The following CDC73 variants were observed in gnomAD, a reference collection of about 807,000 sequenced individuals.
CDC73 encodes the protein cell division cycle 73.
Under a neutral mutation model 83.7 loss-of-function variants are expected in CDC73, and 21 were observed. That is an observed-to-expected ratio of 0.25 (90% CI 0.18 to 0.36). The LOEUF is 0.36. Ranked by LOEUF, CDC73 falls within the 10% of genes least tolerant of loss-of-function variation. The probability of loss-of-function intolerance (pLI) is 1.00; values close to 1 mark genes in which losing one functional copy is unlikely to be tolerated. For missense variants in CDC73, 342 were observed against 653.3 expected, an observed-to-expected ratio of 0.52 and a Z score of 5.19; for synonymous variants, 224 against 212.9, an observed-to-expected ratio of 1.05 and a Z score of -0.45.
chr1:193,224,628 T>TAC (rs375651954), intron 13 of CDC73, among the ~76,000 whole-genome samples: 1 of 152,146 alleles, frequency 6.6e-6, no homozygotes, highest in Non-Finnish European at 1.5e-5. Context: ...TGCATTCACA[T>TAC]ACACACATAT....
intron 16 of CDC73, 143 bp downstream of exon 16, chr1:193,250,014 A>T: frequency 1.3e-6 from 1 of 758,092 alleles, no homozygotes; most frequent in Non-Finnish European, 2.2e-6. Flanking sequence ...TTCAGTACAT[A>T]ATTAACAATT....
chr1:193,147,156 C>T (rs1676014737), intron 7 of CDC73, among the ~76,000 whole-genome samples: 1 of 151,890 alleles, frequency 6.6e-6, no homozygotes, highest in Admixed American at 6.6e-5. Context: ...CCACGCCCAG[C>T]TAATTTTTTG....
At chr1:193,207,511 C>T (rs944158112) in intron 11 of CDC73, among the ~76,000 whole-genome samples, 2 of 152,118 alleles carry the variant, frequency 1.3e-5, no homozygotes, top group African/African-American at 4.8e-5. Context: ...CCCAGAGCAG[C>T]CCTTTATAGA....
intron 10 of CDC73, among the ~76,000 whole-genome samples, chr1:193,170,807 T>C (rs1207485442): frequency 6.6e-5 from 10 of 152,224 alleles, no homozygotes. Context: ...TTTGCTTTTG[T>C]TGAGTTACTT....
chr1:193,205,706 TAAG>T (rs762733954), intron 11 of CDC73, among the ~76,000 whole-genome samples: 4 of 152,096 alleles, frequency 2.6e-5, no homozygotes, highest in Non-Finnish European at 4.4e-5. Context: ...CGTGAGAGCA[TAAG>T]AAGAACAATT....
intron 13 of CDC73, among the ~76,000 whole-genome samples, chr1:193,219,428 A>T (rs892763112): frequency 1.3e-5 from 2 of 152,234 alleles, no homozygotes; most frequent in Admixed American, 6.5e-5. Context: ...TCTACCAAAA[A>T]GACACATGCA....
intron 13 of CDC73, among the ~76,000 whole-genome samples, chr1:193,231,313 T>C (rs1677660046): frequency 6.6e-6 from 1 of 152,196 alleles, no homozygotes; most frequent in African/African-American, 2.4e-5. Flanking sequence ...TAGACTGAGA[T>C]AAAACAAAGC....
intron 7 of CDC73, among the ~76,000 whole-genome samples, chr1:193,146,669 A>G (rs1676006261): frequency 1.3e-5 from 2 of 152,232 alleles, no homozygotes; most frequent in Non-Finnish European, 2.9e-5. Context: ...TACTATTAGA[A>G]TGGAATAAAA....
rs1160082500 is a variant in CDC73, at chr1:193,180,244, T to G, written c.973-23551T>G. On this transcript the variant is annotated intron_variant, in intron 10 of 16. Transcript: ENST00000367435. ...GGATGTAATCAGTTCTAACTATACA[T>G]GCTTTTAGCAATATTTACAAATTGC... is the stretch of plus-strand genomic sequence containing the variant. The G allele has an allele frequency of 3.4e-6, 5 of 1,482,044 alleles. No individual in the cohort carries two copies. The South Asian group carries it at 5.4e-5, about 16-fold the overall frequency. 91.8% of individuals were successfully genotyped at this position (1,482,044 alleles called of 1,614,324 possible).
In CDC73 at chr1:193,187,740, T is replaced by A. The variant is rs193085383; in HGVS notation, c.973-16055T>A. Among the ~76,000 whole-genome samples the A allele has an allele frequency of 2.6e-4, 39 of 152,246 alleles. No homozygotes were observed. In the East Asian group the frequency reaches 6.0e-3, roughly 23 times the overall value. On this transcript the variant is annotated intron_variant, in intron 10 of 16. Coordinates refer to ENST00000367435, the MANE Select transcript of CDC73 (RefSeq NM_024529.5). ...TTGTTTTCTCTGATATTAAAAAAAA[T>A]TTTGTCCACATATTTTTGAGCTTTG...
chr1:193,194,689 T>A (rs1676972327), intron 10 of CDC73, among the ~76,000 whole-genome samples: 2 of 152,148 alleles, frequency 1.3e-5, no homozygotes, highest in Non-Finnish European at 2.9e-5. Flanking sequence ...TGCAGTTCTG[T>A]GATAAAACAT....
At chr1:193,145,565 A>G (rs1382146044) in intron 7 of CDC73, among the ~76,000 whole-genome samples, 2 of 152,198 alleles carry the variant, frequency 1.3e-5, no homozygotes, top group African/African-American at 2.4e-5. Context: ...GAAATATGCT[A>G]TTATGTTTAC....
intron 7 of CDC73, among the ~76,000 whole-genome samples, chr1:193,143,338 T>C (rs1443192858): frequency 1.3e-5 from 2 of 152,190 alleles, no homozygotes; most frequent in East Asian, 1.9e-4. Context: ...TTGAGAAATA[T>C]TGTGACTTAC....
intron 2 of CDC73, among the ~76,000 whole-genome samples, chr1:193,129,189 G>T (rs139152183): frequency 1.3e-3 from 200 of 151,686 alleles, no homozygotes; most frequent in African/African-American, 4.5e-3. Context: ...GTAGAGATGG[G>T]GTTTTACCAT....
chr1:193,204,247 A>G (rs7551700), intron 11 of CDC73, among the ~76,000 whole-genome samples: 13 of 123,088 alleles, frequency 1.1e-4, no homozygotes, highest in African/African-American at 3.5e-4. Flanking sequence ...ACGTATATAT[A>G]TGTGTATGTG....
chr1:193,169,264 G>T (rs1403385759), intron 10 of CDC73, among the ~76,000 whole-genome samples: 1 of 152,238 alleles, frequency 6.6e-6, no homozygotes, highest in Non-Finnish European at 1.5e-5. Flanking sequence ...TGAGAATGAT[G>T]CTGGGTATGG....
chr1:193,224,216 T>G (rs1448622289), intron 13 of CDC73, among the ~76,000 whole-genome samples: 1 of 151,938 alleles, frequency 6.6e-6, no homozygotes, highest in Non-Finnish European at 1.5e-5. Flanking sequence ...GTTTACTTGT[T>G]TTTTTTTGGG....
At chr1:193,184,848 G>A (rs551109883) in intron 10 of CDC73, among the ~76,000 whole-genome samples, 4 of 151,930 alleles carry the variant, frequency 2.6e-5, no homozygotes, top group African/African-American at 9.6e-5. Flanking sequence ...CTTCATTTTG[G>A]AATGCAGTAC....
intron 2 of CDC73, among the ~76,000 whole-genome samples, chr1:193,128,343 G>C (rs1675623047): frequency 6.6e-6 from 1 of 151,882 alleles, no homozygotes; most frequent in Non-Finnish European, 1.5e-5. Flanking sequence ...ACCCAGGCTG[G>C]AGTGCAGTGG....
Sources: gnomAD v4.1 joint callset for allele counts (sites outside exome capture counted in the v4.1 genomes callset) on GRCh38, gnomAD v4.1.1 for gene constraint, MANE v1.5 for transcripts, NCBI Gene and HGNC (gene_info 2026-07-23, HGNC 2026-07-21) for gene names.